Variants in CDH8 observed in about 807,000 individuals in gnomAD.
The protein encoded by CDH8 is cadherin-8.
CDH8 carries 17 observed loss-of-function variants against 68.1 expected under a neutral mutation model. That is an observed-to-expected ratio of 0.25 (90% CI 0.17 to 0.37). The LOEUF is 0.37. CDH8 is among the 10% of genes least tolerant of loss of function. The pLI, the probability that CDH8 is intolerant of heterozygous loss-of-function variation, is 1.00. For missense variants in CDH8, 763 were observed against 999.3 expected (o/e 0.76, Z 3.19); for synonymous variants, 372 against 365.1 (o/e 1.02, Z -0.21).
chr16:61,654,151 A>T (rs1963390159), intron 11 of CDH8, 50 bp from the exon 12 acceptor site: 1 of 1,526,550 alleles, frequency 6.6e-7, no homozygotes, highest in African/African-American at 1.4e-5. Context: ...ATATAATTTC[A>T]CAAGCAACAC....
At chr16:61,654,723 G>A (rs1258312755) in intron 11 of CDH8, among the ~76,000 whole-genome samples, 1 of 152,134 alleles carries the variant, frequency 6.6e-6, no homozygotes, top group Non-Finnish European at 1.5e-5. Flanking sequence ...TGGGCTAATG[G>A]AGCAAAATAT....
intron 2 of CDH8, among the ~76,000 whole-genome samples, chr16:61,902,274 G>C (rs1963987796): frequency 6.6e-6 from 1 of 152,056 alleles, no homozygotes; most frequent in African/African-American, 2.4e-5. Context: ...TACTGAATTT[G>C]TGTGTCAGGC....
chr16:61,753,974 C>A (rs997436305), intron 8 of CDH8, among the ~76,000 whole-genome samples: 1 of 152,064 alleles, frequency 6.6e-6, no homozygotes. Flanking sequence ...TACAACCACT[C>A]AAAATGAAGA....
intron 3 of CDH8, among the ~76,000 whole-genome samples, chr16:61,892,421 AG>A (rs1294401981): frequency 1.3e-5 from 2 of 152,218 alleles, no homozygotes; most frequent in Non-Finnish European, 2.9e-5. Flanking sequence ...AGAGTATATT[AG>A]ATGAATTTAT....
intron 3 of CDH8, among the ~76,000 whole-genome samples, chr16:61,863,293 T>A (rs1193161232): frequency 6.6e-6 from 1 of 152,144 alleles, no homozygotes; most frequent in Non-Finnish European, 1.5e-5. Flanking sequence ...GAAAGTTTCC[T>A]CCCATTAGCA....
intron 10 of CDH8, among the ~76,000 whole-genome samples, chr16:61,662,949 T>C (rs1345091053): frequency 2.6e-5 from 4 of 151,978 alleles, no homozygotes; most frequent in African/African-American, 9.7e-5. Context: ...ATAAATAATA[T>C]ACCAAGAAAA....
chr16:61,901,578 T>C (rs950147746), intron 2 of CDH8, 105 bp from the exon 3 acceptor site: 7 of 729,202 alleles, frequency 9.6e-6, no homozygotes, highest in African/African-American at 3.6e-5. Context: ...CATAACATCA[T>C]CAATTTCTGC....
intron 5 of CDH8, among the ~76,000 whole-genome samples, chr16:61,823,998 G>C (rs188302295): frequency 6.6e-6 from 1 of 151,866 alleles, no homozygotes; most frequent in Non-Finnish European, 1.5e-5. Flanking sequence ...GGATTCTTCA[G>C]AATAGCAAAG....
At chr16:61,887,044 T>C (rs1963687569) in intron 3 of CDH8, among the ~76,000 whole-genome samples, 1 of 152,198 alleles carries the variant, frequency 6.6e-6, no homozygotes, top group South Asian at 2.1e-4. Flanking sequence ...CAATATTCAT[T>C]CCTGTGTTCA....
intron 10 of CDH8, among the ~76,000 whole-genome samples, chr16:61,693,970 A>G (rs1033856416): frequency 6.6e-6 from 1 of 152,176 alleles, no homozygotes; most frequent in Non-Finnish European, 1.5e-5. Context: ...TTACCTCATT[A>G]TCATATATAA....
In CDH8 at chr16:61,987,881, A is replaced by G. The variant is rs936321035; in HGVS notation, c.252+33271T>C. On this transcript the variant is annotated intron_variant, in intron 2 of 11. Transcript: ENST00000577390. ...GCACTTTGTATGAATTGCCTCATTT[A>G]GTTCTCTCAATAGCCTTATGAGGTA... 3.9e-5 allele frequency among the ~76,000 whole-genome samples: 6 copies of G among 152,270 alleles called. No individual in the cohort carries two copies. The East Asian group carries it at 7.7e-4, about 20-fold the overall frequency.
rs146100447 is a variant in CDH8, at chr16:61,836,261, T to C, written c.668-11082A>G. Among the ~76,000 whole-genome samples the C allele has an allele frequency of 5.5e-4, 84 of 152,100 alleles. 1 individual carries two copies. The highest frequency in any genetic ancestry group is 4.7e-3 in the Admixed American group (72 of 15,242). ...TAGTGTTTTAGGAGCCCAGGTTTGA[T>C]ATGACACAGTGGGTTGGATTTCTGG... On this transcript the variant is annotated intron_variant, in intron 4 of 11. Coordinates refer to ENST00000577390, the MANE Select transcript of CDH8 (RefSeq NM_001796.5).
intron 11 of CDH8, 77 bp from the exon 12 acceptor site, chr16:61,654,178 G>A (rs1963390726): frequency 2.2e-6 from 3 of 1,360,168 alleles, no homozygotes; most frequent in Admixed American, 4.5e-5. Flanking sequence ...TATGTTAGGA[G>A]AGAGGGGTAT....
chr16:61,669,090 A>T (rs1270718707), intron 10 of CDH8, among the ~76,000 whole-genome samples: 1 of 152,054 alleles, frequency 6.6e-6, no homozygotes, highest in Admixed American at 6.6e-5. Context: ...TTGTAGGTCA[A>T]ATATCCCTGA....
chr16:61,703,055 TTAAAA>T (rs1486515447), intron 10 of CDH8, among the ~76,000 whole-genome samples: 9 of 152,220 alleles, frequency 5.9e-5, no homozygotes, highest in African/African-American at 2.2e-4. Flanking sequence ...TAAATTTGTC[TTAAAA>T]TAATTACAAA....
intron 8 of CDH8, among the ~76,000 whole-genome samples, chr16:61,752,077 T>C (rs1005268391): frequency 6.6e-6 from 1 of 152,128 alleles, no homozygotes; most frequent in African/African-American, 2.4e-5. Flanking sequence ...TTCATGAACA[T>C]TGAACATGAT....
At chr16:61,840,349 C>A (rs1962657660) in intron 4 of CDH8, among the ~76,000 whole-genome samples, 1 of 152,120 alleles carries the variant, frequency 6.6e-6, no homozygotes, top group South Asian at 2.1e-4. Flanking sequence ...AAAATAATAA[C>A]CAATGTCTGT....
At position 61,951,699 on chromosome 16, in the gene CDH8, T is replaced by G. The variant is rs144586073; in HGVS notation, c.253-50226A>C. Among the ~76,000 whole-genome samples the G allele has an allele frequency of 6.6e-3, 1,000 of 152,278 alleles. 9 individuals are homozygous for G. The highest frequency in any genetic ancestry group is 0.023 in the African/African-American group (963 of 41,548). ...CTGAAGTCAAAAGCCTGAAGCAGCT[T>G]CTAAACTACCATTATCCTTTCCTCA... On this transcript the variant is annotated intron_variant, in intron 2 of 11. Transcript: ENST00000577390.
chr16:61,979,365 T>A (rs1965493331), intron 2 of CDH8, among the ~76,000 whole-genome samples: 2 of 152,106 alleles, frequency 1.3e-5, no homozygotes, highest in Non-Finnish European at 2.9e-5. Context: ...ATTAATAAAA[T>A]AAAAAACTTT....
Sources: allele counts gnomAD v4.1 joint callset (sites outside exome capture counted in the v4.1 genomes callset), GRCh38; gene constraint gnomAD v4.1.1; transcripts MANE v1.5; gene names NCBI Gene and HGNC (gene_info 2026-07-23, HGNC 2026-07-21).